The following LRBA variants were observed in gnomAD, a reference collection of about 807,000 sequenced individuals.
LRBA encodes lipopolysaccharide-responsive and beige-like anchor protein.
LRBA carries 176 observed loss-of-function variants against 330.0 expected under a neutral mutation model. The ratio of observed to expected loss-of-function variants is 0.53; its 90% CI spans 0.47 to 0.60. LRBA has a LOEUF of 0.60. LRBA is among the 20% of genes least tolerant of loss of function. The pLI, the probability that LRBA is intolerant of heterozygous loss-of-function variation, is 0.00. For missense variants in LRBA, 3,259 were observed against 3,444.8 expected, an observed-to-expected ratio of 0.95 and a Z score of 1.35; for synonymous variants, 1,230 against 1,193.0, an observed-to-expected ratio of 1.03 and a Z score of -0.64.
chr4:150,361,756 A>G (rs1292910573), intron 47 of LRBA, among the ~76,000 whole-genome samples: 1 of 148,434 alleles, frequency 6.7e-6, no homozygotes, highest in Non-Finnish European at 1.5e-5. Flanking sequence ...CAAAATGCCA[A>G]CTGCCCATCA....
intron 48 of LRBA, among the ~76,000 whole-genome samples, chr4:150,343,723 C>T (rs905174871): frequency 1.3e-5 from 2 of 152,172 alleles, no homozygotes; most frequent in African/African-American, 2.4e-5. Flanking sequence ...TCTCCACAAA[C>T]ACACAGGCGT....
chr4:150,721,340 A>G (rs1047115012), intron 36 of LRBA: 37 of 290,902 alleles, frequency 1.3e-4, no homozygotes, highest in Admixed American at 6.8e-4. Flanking sequence ...GACATTTCCA[A>G]TTACAATCAA....
chr4:150,811,567 A>T (rs1228483473), intron 31 of LRBA, among the ~76,000 whole-genome samples: 1 of 152,058 alleles, frequency 6.6e-6, no homozygotes, highest in East Asian at 1.9e-4. Flanking sequence ...TACTGGTGTG[A>T]TCATAGCTCA....
At chr4:150,392,939 C>T (rs1352229179) in intron 47 of LRBA, among the ~76,000 whole-genome samples, 2 of 151,318 alleles carry the variant, frequency 1.3e-5, no homozygotes, top group African/African-American at 2.4e-5. Context: ...AAAGGTGCAG[C>T]GAACCACCAT....
chr4:150,634,973 G>C (rs909365495), intron 37 of LRBA, among the ~76,000 whole-genome samples: 8 of 152,218 alleles, frequency 5.3e-5, no homozygotes, highest in Non-Finnish European at 1.0e-4. Context: ...CTCAGGGAAA[G>C]GCAAGCATGC....
At chr4:150,804,352 T>C (rs1457164798) in intron 33 of LRBA, among the ~76,000 whole-genome samples, 1 of 152,196 alleles carries the variant, frequency 6.6e-6, no homozygotes, top group African/African-American at 2.4e-5. Context: ...TCCATTTACA[T>C]CTATAGAAGA....
intron 39 of LRBA, among the ~76,000 whole-genome samples, chr4:150,589,141 T>C (rs557526437): frequency 1.3e-5 from 2 of 151,944 alleles, no homozygotes; most frequent in South Asian, 2.1e-4. Context: ...ATAAATCCTA[T>C]AGGGGAAGAA....
chr4:150,947,098 A>G, intron 2 of LRBA, among the ~76,000 whole-genome samples: 1 of 151,922 alleles, frequency 6.6e-6, no homozygotes. Context: ...CAAAAAAGAA[A>G]TCTCAAAGTT....
intron 34 of LRBA, among the ~76,000 whole-genome samples, chr4:150,777,715 C>A (rs1737584578): frequency 6.6e-6 from 1 of 151,930 alleles, no homozygotes; most frequent in Admixed American, 6.6e-5. Flanking sequence ...TGCAGTGGCT[C>A]CCATCTGTAA....
At chr4:150,765,753 C>T (rs1735685509) in intron 34 of LRBA, among the ~76,000 whole-genome samples, 1 of 151,906 alleles carries the variant, frequency 6.6e-6, no homozygotes, top group African/African-American at 2.4e-5. Context: ...ATTAAGTAGG[C>T]AGGTAAAGGG....
At chr4:150,511,446 T>C (rs1761823601) in intron 40 of LRBA, among the ~76,000 whole-genome samples, 1 of 152,184 alleles carries the variant, frequency 6.6e-6, no homozygotes, top group Non-Finnish European at 1.5e-5. Flanking sequence ...ATATCTTATA[T>C]TCTAAACATG....
chr4:150,371,445 G>A lies in LRBA; in HGVS notation c.7195-21286C>T, dbSNP rs77029900. On this transcript the variant is annotated intron_variant, in intron 47 of 56. Coordinates refer to ENST00000651943, the MANE Select transcript of LRBA (RefSeq NM_001364905.1). ...TGACCTCAGGTGATCTGCCTGCCTCGGTCTCCAAAGTGTCAGATTACAGGC... is the reference window on the plus strand; with the variant it reads ...TGACCTCAGGTGATCTGCCTGCCTCAGTCTCCAAAGTGTCAGATTACAGGC... 6.6e-3 allele frequency among the ~76,000 whole-genome samples: 1,006 copies of A among 151,990 alleles called. 10 individuals carry two copies. The highest frequency in any genetic ancestry group is 0.023 in the African/African-American group (956 of 41,498).
chr4:150,627,854 T>C, intron 37 of LRBA, among the ~76,000 whole-genome samples: 1 of 152,080 alleles, frequency 6.6e-6, no homozygotes, highest in East Asian at 1.9e-4. Context: ...GTTAAAAATA[T>C]GTTTCCCCTT....
rs575980731 is a variant in LRBA, at chr4:150,712,715, A to G, written c.5754+22543T>C. Among the ~76,000 whole-genome samples, 6 of 152,282 alleles carry G rather than the reference A, an allele frequency of 3.9e-5. No individual in the cohort carries two copies. The East Asian group carries it at 1.2e-3, about 29-fold the overall frequency. Reference sequence around the variant, plus strand: ...CGCTACGATTACAATTCTACTGGACAAGACATGTAAAGGAGAGAAAACAGC... The same window carrying G: ...CGCTACGATTACAATTCTACTGGACGAGACATGTAAAGGAGAGAAAACAGC... On this transcript the variant is annotated intron_variant, in intron 36 of 56. Coordinates refer to ENST00000651943, the MANE Select transcript of LRBA (RefSeq NM_001364905.1).
At chr4:150,826,970 G>A (rs1239364074) in intron 30 of LRBA, among the ~76,000 whole-genome samples, 1 of 152,172 alleles carries the variant, frequency 6.6e-6, no homozygotes, top group African/African-American at 2.4e-5. Flanking sequence ...GACTCCACAG[G>A]ATTTCTGACA....
intron 2 of LRBA, among the ~76,000 whole-genome samples, chr4:150,936,302 G>A (rs770003954): frequency 4.0e-5 from 6 of 151,880 alleles, no homozygotes; most frequent in Non-Finnish European, 7.4e-5. Context: ...AAAATTAAGA[G>A]GAAAAATTCA....
chr4:150,893,809 G>A (rs1729758919), intron 16 of LRBA, among the ~76,000 whole-genome samples: 1 of 152,010 alleles, frequency 6.6e-6, no homozygotes, highest in Admixed American at 6.6e-5. Flanking sequence ...CCAAGTAGCT[G>A]GGACTACAGG....
intron 47 of LRBA, among the ~76,000 whole-genome samples, chr4:150,375,718 G>C (rs369296681): frequency 2.0e-5 from 3 of 151,596 alleles, no homozygotes; most frequent in African/African-American, 7.3e-5. Flanking sequence ...ACAAAGTGCT[G>C]GGATTACAGG....
intron 20 of LRBA, among the ~76,000 whole-genome samples, chr4:150,869,648 C>T (rs997724766): frequency 5.9e-5 from 9 of 152,076 alleles, no homozygotes; most frequent in African/African-American, 1.9e-4. Flanking sequence ...GATCCTGGCA[C>T]TCTACTCTAG....
Sources: allele counts gnomAD v4.1 joint callset (sites outside exome capture counted in the v4.1 genomes callset), GRCh38; gene constraint gnomAD v4.1.1; transcripts MANE v1.5; gene names NCBI Gene and HGNC (gene_info 2026-07-23, HGNC 2026-07-21).